TNRC6B: variants seen among roughly 807,000 people sequenced by gnomAD.
The protein encoded by TNRC6B is trinucleotide repeat containing adaptor 6B, also known as trinucleotide repeat-containing gene 6B protein.
Under a neutral mutation model 203.6 loss-of-function variants are expected in TNRC6B, and 52 were observed. That is an observed-to-expected ratio of 0.26 (90% confidence interval 0.20 to 0.32). The LOEUF (loss-of-function observed/expected upper bound fraction) is 0.32. TNRC6B is among the 10% of genes least tolerant of loss of function. TNRC6B has a pLI of 1.00. For missense variants in TNRC6B, 1,923 were observed against 2,286.2 expected (o/e 0.84, Z 3.24); for synonymous variants, 838 against 845.7 (o/e 0.99, Z 0.16).
intron 1 of TNRC6B, among the ~76,000 whole-genome samples, chr22:40,243,950 A>AC (rs1329399837): frequency 2.0e-5 from 3 of 151,014 alleles, no homozygotes; most frequent in Non-Finnish European, 2.9e-5. Flanking sequence ...AAAAATGACA[A>AC]CCTAATACCT....
intron 6 of TNRC6B, 44 bp downstream of exon 6, chr22:40,270,324 T>C (rs924023855): frequency 7.4e-7 from 1 of 1,355,458 alleles, no homozygotes; most frequent in African/African-American, 1.5e-5. Flanking sequence ...TTTTTTTTTT[T>C]TTTTTTTAAT....
chr22:40,289,418 C>G (rs879502997), intron 12 of TNRC6B, among the ~76,000 whole-genome samples: 1 of 152,156 alleles, frequency 6.6e-6, no homozygotes, highest in South Asian at 2.1e-4. Flanking sequence ...GGTAAGGCAG[C>G]GACAGTGGGA....
chr22:40,209,021 C>T (rs1569021677), intron 1 of TNRC6B, among the ~76,000 whole-genome samples: 1 of 152,188 alleles, frequency 6.6e-6, no homozygotes, highest in African/African-American at 2.4e-5. Context: ...ACATTTTTAT[C>T]AGAGCAACAA....
At chr22:40,120,191 CTACCATAAA>C (rs1409076183) in intron 2 of TNRC6B, among the ~76,000 whole-genome samples, 1 of 152,082 alleles carries the variant, frequency 6.6e-6, no homozygotes, top group African/African-American at 2.4e-5. Context: ...AATCCCAACT[CTACCATAAA>C]TACAAAAATT....
intron 3 of TNRC6B, among the ~76,000 whole-genome samples, chr22:40,150,567 CT>C (rs1380326051): frequency 6.6e-6 from 1 of 152,176 alleles, no homozygotes; most frequent in African/African-American, 2.4e-5. Flanking sequence ...CCCAGATACG[CT>C]TTCCTCATAT....
intron 1 of TNRC6B, among the ~76,000 whole-genome samples, chr22:40,069,274 A>T (rs1016586350): frequency 1.2e-4 from 17 of 145,030 alleles, no homozygotes; most frequent in South Asian, 2.2e-4. Flanking sequence ...CTGATATAAA[A>T]TTTTTTTTTT....
At chr22:40,273,731 C>A in intron 7 of TNRC6B, 131 bp downstream of exon 7, 1 of 1,008,710 alleles carries the variant, frequency 9.9e-7, no homozygotes, top group Non-Finnish European at 1.4e-6. Flanking sequence ...GTGGGACAGT[C>A]ACGACTCGCT....
At chr22:40,313,124 A>T (rs946296726) in intron 19 of TNRC6B, 127 bp downstream of exon 19, 2 of 693,204 alleles carry the variant, frequency 2.9e-6, no homozygotes, top group Non-Finnish European at 2.4e-6. Context: ...AGGTCAGTAT[A>T]GATGGAAGCA....
intron 15 of TNRC6B, among the ~76,000 whole-genome samples, chr22:40,303,105 C>T (rs1415611815): frequency 6.7e-6 from 1 of 149,884 alleles, no homozygotes; most frequent in African/African-American, 2.5e-5. Context: ...CCTCCACCTC[C>T]CACAACCTCC....
At chr22:40,235,014 A>G (rs1036197130) in intron 1 of TNRC6B, among the ~76,000 whole-genome samples, 2 of 152,158 alleles carry the variant, frequency 1.3e-5, no homozygotes, top group African/African-American at 4.8e-5. Flanking sequence ...TACTTTGAGC[A>G]CTTGGCTTAA....
chr22:40,183,150 C>T, intron 1 of TNRC6B, among the ~76,000 whole-genome samples: 1 of 152,110 alleles, frequency 6.6e-6, no homozygotes. Context: ...ATGGTAGGCT[C>T]GTTTCCTCAC....
At chr22:40,087,477 G>C (rs1450091016) in intron 1 of TNRC6B, among the ~76,000 whole-genome samples, 1 of 152,172 alleles carries the variant, frequency 6.6e-6, no homozygotes, top group African/African-American at 2.4e-5. Context: ...ATGCTAAACT[G>C]ACCATTTTCT....
chr22:40,251,195 C>A lies in TNRC6B; in HGVS notation c.110C>A (p.Thr37Asn), dbSNP rs929693879. 3 of 1,534,954 alleles carry A rather than the reference C, an allele frequency of 2.0e-6. No individual in the cohort carries two copies. The highest frequency in any genetic ancestry group is 2.6e-6 in the Non-Finnish European group (3 of 1,138,054). Residue 37 changes from threonine (T) to asparagine (N), a missense_variant, in exon 3 of 23, where the codon ACC (threonine) becomes AAC (asparagine). This residue lies in a region of TNRC6B where 111 missense variants were observed against 155.3 expected (regional missense o/e 0.71). Transcript: ENST00000454349. Reference protein sequence around the residue: ...EATQKVTEQKTKVPEVTKPSL... With the variant: ...EATQKVTEQKNKVPEVTKPSL... ...ATTTTGCAGGTCACGGAACAAAAAA[C>A]CAAAGGTAAGATCTTTTTTTTCTTT...
At chr22:40,301,557 T>C in intron 15 of TNRC6B, 1 of 550,468 alleles carries the variant, frequency 1.8e-6, no homozygotes, top group Non-Finnish European at 3.2e-6. Context: ...CTCTAACTTC[T>C]CTGGCTCCAA....
At chr22:40,145,089 T>TAAAAAAA (rs1401644411) in intron 3 of TNRC6B, among the ~76,000 whole-genome samples, 4 of 118,254 alleles carry the variant, frequency 3.4e-5, no homozygotes, top group Admixed American at 7.7e-5. Flanking sequence ...AAAAAAAAAT[T>TAAAAAAA]TTTTTAATTA....
chr22:40,221,426 A>G (rs988700797), intron 1 of TNRC6B, among the ~76,000 whole-genome samples: 1 of 151,744 alleles, frequency 6.6e-6, no homozygotes, highest in Admixed American at 6.6e-5. Context: ...ATTTTTGGCT[A>G]CCTCTGTTTT....
intron 1 of TNRC6B, among the ~76,000 whole-genome samples, chr22:40,208,313 C>G (rs1484767578): frequency 6.6e-6 from 1 of 152,006 alleles, no homozygotes; most frequent in African/African-American, 2.4e-5. Context: ...GGTAACCTAC[C>G]CCACAGAAGA....
rs140394433 is a variant in TNRC6B at position 40,252,031 on chromosome 22, A to C, written c.115+831A>C. Among the ~76,000 whole-genome samples, 388 of 152,302 alleles carry C rather than the reference A, an allele frequency of 2.5e-3. 2 individuals carry two copies. Among genetic ancestry groups the C allele is most frequent in the African/African-American group, 8.2e-3 (340 of 41,548 alleles). The stretch of plus-strand genomic sequence containing the variant: ...AGCAGGTGCCCCTTGGGTCATTCTC[A>C]ATCTAATAGTCCATGTTGTTTTGGC... On this transcript the variant is annotated intron_variant, in intron 3 of 22. Transcript: ENST00000454349.
intron 15 of TNRC6B, among the ~76,000 whole-genome samples, chr22:40,302,152 T>C (rs2071032042): frequency 1.3e-5 from 2 of 152,238 alleles, no homozygotes; most frequent in South Asian, 4.1e-4. Context: ...AAGAATTTTT[T>C]GGCAGGCAAA....
Sources: gnomAD v4.1 joint callset for allele counts (sites outside exome capture counted in the v4.1 genomes callset) on GRCh38, gnomAD v4.1.1 for gene constraint, gnomAD v4.1.1 regional missense constraint, MANE v1.5 for transcripts, NCBI Gene and HGNC (gene_info 2026-07-23, HGNC 2026-07-21) for gene names.